The following ZNF354C variants were observed in gnomAD, a reference collection of about 807,000 sequenced individuals.
The protein encoded by ZNF354C is zinc finger protein 354C.
A neutral mutation model predicts 12.4 loss-of-function variants in ZNF354C; 7 were observed. The ratio of observed to expected loss-of-function variants is 0.56; its 90% confidence interval spans 0.32 to 1.06. The LOEUF (loss-of-function observed/expected upper bound fraction) is 1.06. Among genes scored for constraint, ZNF354C ranks in the 50% least tolerant of loss-of-function variants. The pLI, the probability that ZNF354C is intolerant of heterozygous loss-of-function variation, is 0.04. For synonymous variants in ZNF354C, 202 were observed against 224.5 expected (o/e 0.90, Z 0.90); for missense variants, 609 against 658.0 (o/e 0.93, Z 0.81).
chr5:179,073,543 G>A (rs963774483), intron 2 of ZNF354C, among the ~76,000 whole-genome samples: 1 of 151,974 alleles, frequency 6.6e-6, no homozygotes, highest in East Asian at 1.9e-4. Context: ...GACTGGAAAA[G>A]CTCTATCTTT....
At position 179,081,083 on chromosome 5, in the gene ZNF354C, G is replaced by T. The variant is rs1762221322; in HGVS notation, c.*986G>T. 1 of 152,108 alleles carries T rather than the reference G, an allele frequency of 6.6e-6. No homozygotes were observed. The highest frequency in any genetic ancestry group is 1.5e-5 in the Non-Finnish European group (1 of 68,030). The allele number at this position is 152,108 out of a possible 1,614,324, so 9.4% of individuals were successfully genotyped here. On this transcript the variant is annotated 3_prime_UTR_variant, in exon 5 of 5. Coordinates refer to ENST00000315475, the MANE Select transcript of ZNF354C (RefSeq NM_014594.3). The stretch of plus-strand genomic sequence containing the variant: ...ATTATAGGCTCGTTTCCAACCTGAG[G>T]TCCCAAGAGTACTATTTGTTTTGTA...
At chr5:179,077,190 G>T (rs757681648) in intron 4 of ZNF354C, 24 bp downstream of exon 4, 25 of 1,587,130 alleles carry the variant, frequency 1.6e-5, no homozygotes, top group Non-Finnish European at 2.0e-5. Flanking sequence ...TGGGAAATGG[G>T]CACAAGGGGT....
At chr5:179,078,457 C>T (rs552541513) in intron 4 of ZNF354C, among the ~76,000 whole-genome samples, 10 of 152,342 alleles carry the variant, frequency 6.6e-5, no homozygotes, top group Non-Finnish European at 1.2e-4. Flanking sequence ...GGAATCGCTT[C>T]ATTTTCATTG....
chr5:179,079,715 A>G lies in ZNF354C; in HGVS notation c.1283A>G (p.Asn428Ser), dbSNP rs778133886. 2.5e-6 allele frequency: 4 copies of G among 1,614,188 alleles called. No individual in the cohort carries two copies. The highest frequency in any genetic ancestry group is 3.4e-6 in the Non-Finnish European group (4 of 1,180,040). Residue 428 changes from asparagine to serine, a missense_variant, in exon 5 of 5, where the codon AAT becomes AGT. By Grantham distance (46) the Asn-to-Ser change is conservative (BLOSUM62 1). Coordinates refer to ENST00000315475, the MANE Select transcript of ZNF354C (RefSeq NM_014594.3). The surrounding 1 kb of genome is among the most constrained non-coding windows in gnomAD (Gnocchi z 4.2). ...EKAFNQYSSF[N>S]EHRKIHTGEK... ...GCCTTCAACCAGTATTCATCCTTTA[A>G]TGAACATCGGAAAATTCATACTGGG...
chr5:179,074,453 A>G (rs186312167), intron 2 of ZNF354C, among the ~76,000 whole-genome samples: 3 of 152,162 alleles, frequency 2.0e-5, no homozygotes, highest in Admixed American at 6.5e-5. Flanking sequence ...TAAGATCTCA[A>G]TGCCACTGGC....
In ZNF354C at chr5:179,077,058, T is replaced by A; in HGVS notation, c.155-13T>A. On this transcript the variant is annotated splice_polypyrimidine_tract_variant and intron_variant, in intron 3 of 4. Coordinates refer to ENST00000315475, the MANE Select transcript of ZNF354C (RefSeq NM_014594.3). The stretch of plus-strand genomic sequence containing the variant: ...GCTATTTGTTCAAACTTCATTTGCT[T>A]CCTCATGAGCAGGGATTCCATTTTC... The A allele has an allele frequency of 6.2e-7, 1 of 1,612,736 alleles. No individual in the cohort carries two copies. The highest frequency in any genetic ancestry group is 8.5e-7 in the Non-Finnish European group (1 of 1,178,868).
Position 179,077,077 on chromosome 5 carries a change from C to T in ZNF354C, c.161C>T (p.Pro54Leu), listed in dbSNP as rs1762133999. The T allele has an allele frequency of 3.7e-6, 6 of 1,614,008 alleles. No individual in the cohort carries two copies. Among genetic ancestry groups the T allele is most frequent in the Admixed American group, 1.7e-5 (1 of 60,006 alleles). Residue 54 changes from proline to leucine, a missense_variant, in exon 4 of 5, where the codon CCA (proline) becomes CTA (leucine). Coordinates refer to ENST00000315475, the MANE Select transcript of ZNF354C (RefSeq NM_014594.3). ...TTTGCTTCCTCATGAGCAGGGATTC[C>T]ATTTTCAATGCCAAAGTTGATTCAT... ...NYSSLVSLGI[P>L]FSMPKLIHQL...
At chr5:179,061,133 C>T (rs1761885066) in intron 1 of ZNF354C, among the ~76,000 whole-genome samples, 1 of 152,234 alleles carries the variant, frequency 6.6e-6, no homozygotes, top group Non-Finnish European at 1.5e-5. Context: ...GGCAGCTTCC[C>T]CTGGGCTGGT....
chr5:179,078,977 C>T lies in ZNF354C; in HGVS notation c.545C>T (p.Pro182Leu). ...NTALVTQQSV[P>L]IERIPNMYYT... ...GCTCTTGTCACACAACAGAGTGTTC[C>T]TATAGAAAGGATACCCAATATGTAT... The change falls in exon 5 of 5, where the codon CCT becomes CTT. Residue 182 changes from proline to leucine, a missense_variant. Coordinates refer to ENST00000315475, the MANE Select transcript of ZNF354C (RefSeq NM_014594.3). The T allele has an allele frequency of 6.2e-7, 1 of 1,613,796 alleles. No homozygotes were observed. Among genetic ancestry groups the T allele is most frequent in the Non-Finnish European group, 8.5e-7 (1 of 1,179,932 alleles).
In ZNF354C at chr5:179,083,160, A is replaced by G. The variant is rs73806876; in HGVS notation, c.*3063A>G. 1,653 of 438,734 alleles carry G rather than the reference A, an allele frequency of 3.8e-3. 23 individuals are homozygous for G. Among genetic ancestry groups the G allele is most frequent in the African/African-American group, 0.03 (1,500 of 49,442 alleles). The allele number at this position is 438,734 out of a possible 1,614,324, so 27.2% of individuals were successfully genotyped here. A position where few individuals can be genotyped will look rare whatever the true frequency, so the allele number is the denominator to read the frequency against. On this transcript the variant is annotated 3_prime_UTR_variant, in exon 5 of 5. Transcript: ENST00000315475. Reference sequence around the variant, plus strand: ...GGTCTCTGCTAGATTAAGACAAGAGACATAACCAAATGGAAAGTGTGATCC... The same window carrying G: ...GGTCTCTGCTAGATTAAGACAAGAGGCATAACCAAATGGAAAGTGTGATCC...
At position 179,060,722 on chromosome 5, in the gene ZNF354C, C is replaced by T. The variant is rs1412839579; in HGVS notation, c.-55+56C>T. ...GGGATGCCAGCCTTTTGTCGTTGTT[C>T]ATTCTGCGATTTTCTTCTGTGCATT... On this transcript the variant is annotated intron_variant, in intron 1 of 4. Coordinates refer to ENST00000315475, the MANE Select transcript of ZNF354C (RefSeq NM_014594.3). The surrounding 1 kb of genome is among the most constrained non-coding windows in gnomAD (Gnocchi z 4.2). 2 of 152,350 alleles carry T rather than the reference C, an allele frequency of 1.3e-5. No homozygotes were observed. The highest frequency in any genetic ancestry group is 2.4e-5 in the African/African-American group (1 of 41,476). The allele number at this position is 152,350 out of a possible 1,614,324, so 9.4% of individuals were successfully genotyped here.
rs779709818 is a variant in ZNF354C at position 179,079,689 on chromosome 5, A to T, written c.1257A>T (p.Lys419Asn). The T allele has an allele frequency of 6.2e-7, 1 of 1,614,210 alleles. No homozygotes were observed. Among genetic ancestry groups the T allele is most frequent in the Admixed American group, 1.7e-5 (1 of 60,028 alleles). Residue 419 changes from lysine to asparagine, a missense_variant, in exon 5 of 5, where the codon AAA becomes AAT. By Grantham distance (94) the Lys-to-Asn change is moderately conservative (BLOSUM62 0). Transcript: ENST00000315475. The surrounding 1 kb of genome is among the most constrained non-coding windows in gnomAD (Gnocchi z 4.2). ...QKPYQCNECE[K>N]AFNQYSSFNE... ...CTTATCAGTGCAACGAATGTGAGAA[A>T]GCCTTCAACCAGTATTCATCCTTTA...
In ZNF354C at chr5:179,083,046, A is replaced by C; in HGVS notation, c.*2949A>C. The stretch of plus-strand genomic sequence containing the variant: ...ATCTTGCACACATTCCACTGGCCCT[A>C]CGCAGGGGTGTGATGTTGTAAGCCA... On this transcript the variant is annotated 3_prime_UTR_variant, in exon 5 of 5. Coordinates refer to ENST00000315475, the MANE Select transcript of ZNF354C (RefSeq NM_014594.3). 1 of 780,208 alleles carries C rather than the reference A, an allele frequency of 1.3e-6. No individual in the cohort carries two copies. Among genetic ancestry groups the C allele is most frequent in the Non-Finnish European group, 2.2e-6 (1 of 464,014 alleles). 48.3% of individuals were successfully genotyped at this position (780,208 alleles called of 1,614,324 possible).
Position 179,079,244 on chromosome 5 carries a change from C to T in ZNF354C, c.812C>T (p.Pro271Leu), listed in dbSNP as rs1762181758. 1.2e-6 allele frequency: 2 copies of T among 1,613,918 alleles called. No individual in the cohort carries two copies. The highest frequency in any genetic ancestry group is 2.7e-5 in the African/African-American group (2 of 74,964). The stretch of plus-strand genomic sequence containing the variant: ...CAGAGAATTCATACTGGAGAGAAAC[C>T]TTACAAGTGTAATGAATGTGAGAAG... ...SHQRIHTGEK[P>L]YKCNECEKAF... is the part of the protein sequence containing the mutation. The change falls in exon 5 of 5, where the codon CCT becomes CTT. Residue 271 changes from proline to leucine, a missense_variant. By Grantham distance (98) the Pro-to-Leu change is moderately conservative (BLOSUM62 -3). Coordinates refer to ENST00000315475, the MANE Select transcript of ZNF354C (RefSeq NM_014594.3). The surrounding 1 kb of genome is among the most constrained non-coding windows in gnomAD (Gnocchi z 4.2).
At position 179,076,520 on chromosome 5, in the gene ZNF354C, G is replaced by A; in HGVS notation, c.103G>A (p.Ala35Thr). 16 of 1,614,182 alleles carry A rather than the reference G, an allele frequency of 9.9e-6. No individual in the cohort carries two copies. The highest frequency in any genetic ancestry group is 1.4e-5 in the Non-Finnish European group (16 of 1,180,034). The change falls in exon 3 of 5, where the codon GCC becomes ACC. Residue 35 changes from alanine to threonine, a missense_variant. Physicochemically the swap from Ala to Thr is moderately conservative, Grantham distance 58 (BLOSUM62 0). Transcript: ENST00000315475. ...GTTGCACCTGGACTCTGCCCAGAGG[G>A]CCTTGTACCGGGAGGTGATGCTGGA... is the stretch of plus-strand genomic sequence containing the variant. ...EWLHLDSAQRALYREVMLENY... is the reference protein window; with the variant it reads ...EWLHLDSAQRTLYREVMLENY...
intron 2 of ZNF354C, among the ~76,000 whole-genome samples, chr5:179,071,041 C>T (rs1360145642): frequency 6.6e-6 from 1 of 151,666 alleles, no homozygotes; most frequent in Admixed American, 6.6e-5. Context: ...TTAGTAGAGA[C>T]GGCATTTCAC....
chr5:179,062,537 C>T (rs1250382703), intron 2 of ZNF354C, among the ~76,000 whole-genome samples: 1 of 152,200 alleles, frequency 6.6e-6, no homozygotes. Flanking sequence ...CTGTCATTTC[C>T]ATCTTCTGGG....
At chr5:179,075,133 C>T (rs1343728171) in intron 2 of ZNF354C, among the ~76,000 whole-genome samples, 1 of 152,018 alleles carries the variant, frequency 6.6e-6, no homozygotes, top group African/African-American at 2.4e-5. Context: ...GTGGTGGGCG[C>T]CTGTAGTCCC....
chr5:179,075,320 G>T (rs1762103574), intron 2 of ZNF354C, among the ~76,000 whole-genome samples: 1 of 151,860 alleles, frequency 6.6e-6, no homozygotes, highest in South Asian at 2.1e-4. Context: ...TACTCAGGAG[G>T]CTGAGGCAGG....
Sources: allele counts gnomAD v4.1 joint callset (sites outside exome capture counted in the v4.1 genomes callset), GRCh38; gene constraint gnomAD v4.1.1; non-coding constraint Gnocchi (gnomAD v3.1); transcripts MANE v1.5; gene names NCBI Gene and HGNC (gene_info 2026-07-23, HGNC 2026-07-21).